Variants in EYA4 observed in about 807,000 individuals in gnomAD.
EYA4 encodes EYA transcriptional coactivator and phosphatase 4, also known as protein phosphatase EYA4.
EYA4 carries 31 observed loss-of-function variants against 87.9 expected under a neutral mutation model. The observed-to-expected ratio is 0.35, with a 90% CI of 0.27 to 0.48. The LOEUF is 0.48. Among genes scored for constraint, EYA4 ranks in the 20% least tolerant of loss-of-function variants. The pLI is 0.99. For missense variants in EYA4, 678 were observed against 761.4 expected (o/e 0.89, Z 1.29); for synonymous variants, 263 against 270.6 (o/e 0.97, Z 0.28).
chr6:133,518,184 A>T (rs1799764622), intron 17 of EYA4, among the ~76,000 whole-genome samples: 1 of 152,054 alleles, frequency 6.6e-6, no homozygotes, highest in Admixed American at 6.6e-5. Flanking sequence ...TTTCTAAAAG[A>T]TGTCTTCTAT....
intron 3 of EYA4, among the ~76,000 whole-genome samples, chr6:133,398,824 A>G (rs1788020111): frequency 6.6e-6 from 1 of 152,176 alleles, no homozygotes; most frequent in Non-Finnish European, 1.5e-5. Flanking sequence ...ATGCAGTGCC[A>G]AATCGTATTT....
At chr6:133,418,383 A>AAAT (rs1446142885) in intron 3 of EYA4, among the ~76,000 whole-genome samples, 1 of 152,172 alleles carries the variant, frequency 6.6e-6, no homozygotes, top group Non-Finnish European at 1.5e-5. Context: ...GACATCTTAC[A>AAAT]AATCTCCTCT....
chr6:133,329,504 G>GTT (rs1439207038), intron 2 of EYA4, among the ~76,000 whole-genome samples: 1 of 152,074 alleles, frequency 6.6e-6, no homozygotes, highest in East Asian at 1.9e-4. Context: ...GATACCATGA[G>GTT]TGTTTACTAC....
At chr6:133,430,808 T>C (rs1791116204) in intron 3 of EYA4, among the ~76,000 whole-genome samples, 1 of 152,224 alleles carries the variant, frequency 6.6e-6, no homozygotes, top group Non-Finnish European at 1.5e-5. Context: ...GGCTTCTTGC[T>C]CTCATAGAGT....
chr6:133,431,036 G>A (rs1461011816), intron 3 of EYA4, among the ~76,000 whole-genome samples: 2 of 152,196 alleles, frequency 1.3e-5, no homozygotes, highest in African/African-American at 4.8e-5. Context: ...GTGTTCCTGG[G>A]AAAGGGGAAA....
intron 13 of EYA4, among the ~76,000 whole-genome samples, chr6:133,494,402 T>G (rs1328412260): frequency 1.3e-5 from 2 of 152,090 alleles, no homozygotes; most frequent in East Asian, 1.9e-4. Flanking sequence ...TACTAGAGGT[T>G]GGGAAGGGTA....
intron 13 of EYA4, among the ~76,000 whole-genome samples, chr6:133,485,570 G>T (rs1416437334): frequency 5.9e-5 from 9 of 152,180 alleles, no homozygotes; most frequent in Non-Finnish European, 1.2e-4. Flanking sequence ...ATAGCACATC[G>T]CATGGCCTGG....
At chr6:133,422,083 C>T (rs212785) in intron 3 of EYA4, among the ~76,000 whole-genome samples, 124,064 of 152,134 alleles carry the variant, frequency 0.82, 51,223 homozygotes, top group Non-Finnish European at 0.89. Flanking sequence ...TGCAAACAGA[C>T]AACAGCAGAG....
rs1409083820 is a variant in EYA4 at position 133,385,389 on chromosome 6, CTCTGTGTGTGTGTGTGTGTGTGTG to C, written c.83+2950_83+2973del. 7.2e-3 allele frequency among the ~76,000 whole-genome samples: 467 copies of C among 64,978 alleles called. 7 individuals are homozygous for C. The highest frequency in any genetic ancestry group is 0.017 in the African/African-American group (445 of 26,138). 42.6% of individuals were successfully genotyped at this position (64,978 alleles called of 152,430 possible). A position where few individuals can be genotyped will look rare whatever the true frequency, so the allele number is the denominator to read the frequency against. On this transcript the variant is annotated intron_variant, in intron 3 of 19. Coordinates refer to ENST00000355286, the MANE Select transcript of EYA4 (RefSeq NM_004100.5). ...TCCTCTGTGTGTGTATGTATGCTCT[CTCTGTGTGTGTGTGTGTGTGTGTG>C]TGTGTGTGTGTGTGTGTGTGTGTGT...
intron 10 of EYA4, among the ~76,000 whole-genome samples, chr6:133,466,624 A>C (rs1794866889): frequency 6.6e-6 from 1 of 152,064 alleles, no homozygotes; most frequent in South Asian, 2.1e-4. Flanking sequence ...TGAATAGGGG[A>C]GGTTTTATAT....
chr6:133,278,716 A>G (rs751163387), intron 2 of EYA4, among the ~76,000 whole-genome samples: 7 of 152,170 alleles, frequency 4.6e-5, no homozygotes, highest in Non-Finnish European at 8.8e-5. Context: ...TTTTTCCTCT[A>G]GTATATCTGG....
rs1343957779 is a variant in EYA4, at chr6:133,529,360, T to C, written c.*555T>C. The C allele has an allele frequency of 2.0e-6, 2 of 994,972 alleles. No individual in the cohort carries two copies. The highest frequency in any genetic ancestry group is 2.4e-6 in the Non-Finnish European group (2 of 834,654). 61.6% of individuals were successfully genotyped at this position (994,972 alleles called of 1,614,324 possible). On this transcript the variant is annotated 3_prime_UTR_variant, in exon 20 of 20. Coordinates refer to ENST00000355286, the MANE Select transcript of EYA4 (RefSeq NM_004100.5). ...ACTTTCAAAGTGGATGCAATTTTTC[T>C]TTCTTTTGTTGGGGAGGGGAATGGG... is the stretch of plus-strand genomic sequence containing the variant.
At chr6:133,512,684 T>C (rs1429828486) in intron 14 of EYA4, 37 bp from the exon 15 acceptor site, 3 of 1,513,786 alleles carry the variant, frequency 2.0e-6, no homozygotes, top group Non-Finnish European at 2.8e-6. Context: ...ACAAGCATCA[T>C]TTAGAAAACA....
At chr6:133,468,463 G>T in intron 10 of EYA4, 103 bp from the exon 11 acceptor site, 1 of 935,290 alleles carries the variant, frequency 1.1e-6, no homozygotes, top group Non-Finnish European at 1.7e-6. Flanking sequence ...AAACAAATGG[G>T]GCTGAGTACT....
intron 3 of EYA4, among the ~76,000 whole-genome samples, chr6:133,419,268 T>G (rs1024202042): frequency 6.6e-6 from 1 of 152,210 alleles, no homozygotes; most frequent in African/African-American, 2.4e-5. Context: ...TCCCAAACAT[T>G]ACTGATCCTT....
At chr6:133,377,434 C>T (rs764821029) in intron 2 of EYA4, among the ~76,000 whole-genome samples, 5 of 151,924 alleles carry the variant, frequency 3.3e-5, no homozygotes, top group Admixed American at 6.6e-5. Flanking sequence ...AAACTGCTTA[C>T]GTCTAGTTCA....
intron 3 of EYA4, among the ~76,000 whole-genome samples, chr6:133,404,852 C>T (rs1000495312): frequency 3.3e-5 from 5 of 152,174 alleles, no homozygotes; most frequent in African/African-American, 7.2e-5. Context: ...CTTGGCTCTT[C>T]GCATGAGGAG....
chr6:133,264,719 T>A (rs182196220), intron 1 of EYA4, among the ~76,000 whole-genome samples: 79 of 152,268 alleles, frequency 5.2e-4, no homozygotes, highest in African/African-American at 1.8e-3. Context: ...GCAGCGTCGG[T>A]CCTCATTCCG....
intron 2 of EYA4, among the ~76,000 whole-genome samples, chr6:133,299,959 A>G (rs12174245): frequency 9.4e-6 from 1 of 106,474 alleles, no homozygotes; most frequent in Non-Finnish European, 2.2e-5. Flanking sequence ...ATCTATCTAT[A>G]TATATATATA....
Sources: allele counts gnomAD v4.1 joint callset (sites outside exome capture counted in the v4.1 genomes callset), GRCh38; gene constraint gnomAD v4.1.1; transcripts MANE v1.5; gene names NCBI Gene and HGNC (gene_info 2026-07-23, HGNC 2026-07-21).